Variants in HEATR5A observed in about 807,000 individuals in gnomAD.
The protein encoded by HEATR5A is HEAT repeat containing 5A, also known as HEAT repeat-containing protein 5A.
Under a neutral mutation model 218.8 loss-of-function variants are expected in HEATR5A, and 178 were observed. The observed-to-expected ratio is 0.81, with a 90% CI of 0.72 to 0.92. The LOEUF (loss-of-function observed/expected upper bound fraction) is 0.92. Ranked by LOEUF, HEATR5A falls within the 40% of genes least tolerant of loss-of-function variation. The pLI is 0.00. For synonymous variants in HEATR5A, 864 were observed against 871.6 expected (o/e 0.99, Z 0.15); for missense variants, 2,420 against 2,418.9 (o/e 1.00, Z -0.01).
chr14:31,345,096 CT>C lies in HEATR5A; in HGVS notation c.3048del (p.Glu1017SerfsTer12). ...CLNALITTLG[P>X]ELQGNSTSIS... ...AAGCAGCTATGCACACCTTGTAGCT[CT>C]GGACCTAACGTGGTAATAAGGGCAT... On this transcript the variant is annotated frameshift_variant, in exon 20 of 36. Transcript: ENST00000543095. LOFTEE classifies it high-confidence loss of function. 6.2e-7 allele frequency: 1 copy of C among 1,612,386 alleles called. No individual in the cohort carries two copies. The highest frequency in any genetic ancestry group is 2.2e-5 in the East Asian group (1 of 44,852).
intron 21 of HEATR5A, among the ~76,000 whole-genome samples, chr14:31,339,015 G>A (rs745393448): frequency 4.0e-5 from 6 of 151,862 alleles, no homozygotes; most frequent in Non-Finnish European, 5.9e-5. Context: ...TGCTACTCGG[G>A]AGGCTGAGGC....
Position 31,347,748 on chromosome 14 carries a change from C to G in HEATR5A, c.2868G>C (p.Gln956His), listed in dbSNP as rs550221102. 1.9e-6 allele frequency: 3 copies of G among 1,587,266 alleles called. No individual in the cohort carries two copies. Among genetic ancestry groups the G allele is most frequent in the Non-Finnish European group, 1.7e-6 (2 of 1,169,586 alleles). Residue 956 changes from glutamine (Q) to histidine (H), a missense_variant and splice_region_variant, in exon 19 of 36, where the codon CAG becomes CAC. Gln to His is a conservative substitution (Grantham distance 24). Transcript: ENST00000543095. ...LAQDSTSPDV[Q>H]TWALHSLSLI... ...GGGAAGTATCACATGAGGTACCCAC[C>G]TGCACATCAGGAGAAGTGCTGTCCT... is the stretch of plus-strand genomic sequence containing the variant.
intron 17 of HEATR5A, 138 bp from the exon 18 acceptor site, chr14:31,350,117 A>C: frequency 5.8e-6 from 3 of 514,678 alleles, no homozygotes; most frequent in Non-Finnish European, 3.3e-6. Context: ...GAACACAAAA[A>C]TCCACACTGA....
intron 19 of HEATR5A, among the ~76,000 whole-genome samples, chr14:31,346,833 C>CA: frequency 6.6e-6 from 1 of 152,062 alleles, no homozygotes; most frequent in Admixed American, 6.6e-5. Context: ...ATAAGGGAGA[C>CA]AGATAAGACG....
intron 14 of HEATR5A, among the ~76,000 whole-genome samples, chr14:31,363,501 C>T (rs1048557998): frequency 1.5e-4 from 23 of 152,080 alleles, no homozygotes; most frequent in Admixed American, 4.6e-4. Context: ...ATGAGGCAAA[C>T]TTATGTTTCA....
Position 31,350,016 on chromosome 14 carries a change from T to C in HEATR5A, c.2518-37A>G, listed in dbSNP as rs778424060. ...AAAGAACAACCCAAACTTACAATTG[T>C]AGTAAATTCTCATATCCAGTTAGGA... On this transcript the variant is annotated intron_variant, in intron 17 of 35. Coordinates refer to ENST00000543095, the MANE Select transcript of HEATR5A (RefSeq NM_015473.4). 4.4e-6 allele frequency: 6 copies of C among 1,369,366 alleles called. No homozygotes were observed. In the African/African-American group the frequency reaches 5.9e-5, roughly 13 times the overall value. 84.8% of individuals were successfully genotyped at this position (1,369,366 alleles called of 1,614,324 possible).
chr14:31,374,945 G>A lies in HEATR5A; in HGVS notation c.1732C>T (p.Leu578Phe). 3 of 1,610,390 alleles carry A rather than the reference G, an allele frequency of 1.9e-6. No homozygotes were observed. The highest frequency in any genetic ancestry group is 2.2e-5 in the South Asian group (2 of 90,262). ...TLGPAVVSHHLARVLLLWKCV... is the reference protein window; with the variant it reads ...TLGPAVVSHHFARVLLLWKCV... ...TTCCACAACAGCAGAACTCGAGCAA[G>A]GTGATGGCTAACAACTGCAGGACCT... is the stretch of plus-strand genomic sequence containing the variant. Residue 578 changes from leucine (L) to phenylalanine (F), a missense_variant, in exon 12 of 36, where the codon CTT (leucine) becomes TTT (phenylalanine). Coordinates refer to ENST00000543095, the MANE Select transcript of HEATR5A (RefSeq NM_015473.4).
chr14:31,375,251 T>C (rs1018321680), intron 11 of HEATR5A, among the ~76,000 whole-genome samples: 1 of 152,192 alleles, frequency 6.6e-6, no homozygotes, highest in Non-Finnish European at 1.5e-5. Flanking sequence ...CGTCTACATA[T>C]TAAATGAAGC....
In HEATR5A at chr14:31,294,137, TATAA is replaced by T. The variant is rs765669667; in HGVS notation, c.5620-37_5620-34del. ...GGTAAGAGAAAAGAATAGCAAATACTATAAATAAATTTTTAAAAAGTCCCTGAGG... is the reference window on the plus strand; with the variant it reads ...GGTAAGAGAAAAGAATAGCAAATACTATAAATTTTTAAAAAGTCCCTGAGG... On this transcript the variant is annotated intron_variant, in intron 34 of 35. Transcript: ENST00000543095. 3.1e-5 allele frequency: 43 copies of T among 1,367,748 alleles called. No homozygotes were observed. In the East Asian group the frequency reaches 8.8e-4, roughly 28 times the overall value. 84.7% of individuals were successfully genotyped at this position (1,367,748 alleles called of 1,614,324 possible). A position where few individuals can be genotyped will look rare whatever the true frequency, so the allele number is the denominator to read the frequency against.
chr14:31,420,225 C>T (rs1332932495), intron 1 of HEATR5A: 1 of 152,582 alleles, frequency 6.6e-6, no homozygotes, highest in Non-Finnish European at 1.5e-5. Flanking sequence ...TATCAGCCGA[C>T]CCTGTGCCCC....
At chr14:31,390,229 G>A (rs1288073978) in intron 6 of HEATR5A, among the ~76,000 whole-genome samples, 2 of 152,056 alleles carry the variant, frequency 1.3e-5, no homozygotes, top group South Asian at 4.2e-4. Flanking sequence ...ATGGTAAGAG[G>A]GCAGAAGATA....
chr14:31,338,255 A>T (rs1713798354), intron 21 of HEATR5A, among the ~76,000 whole-genome samples: 1 of 152,234 alleles, frequency 6.6e-6, no homozygotes, highest in African/African-American at 2.4e-5. Flanking sequence ...GTAAATGCTC[A>T]ATAAATGTTA....
At chr14:31,407,344 A>C (rs1397203387) in intron 1 of HEATR5A, among the ~76,000 whole-genome samples, 1 of 152,188 alleles carries the variant, frequency 6.6e-6, no homozygotes, top group Admixed American at 6.5e-5. Context: ...CCAAAGACAG[A>C]ACATCAGGTT....
At chr14:31,359,544 T>C (rs1901546509) in intron 14 of HEATR5A, among the ~76,000 whole-genome samples, 1 of 151,320 alleles carries the variant, frequency 6.6e-6, no homozygotes, top group Admixed American at 6.6e-5. Flanking sequence ...TTGGCCAACA[T>C]GGTGAAACCC....
intron 1 of HEATR5A, among the ~76,000 whole-genome samples, chr14:31,409,305 C>G (rs1486488229): frequency 6.6e-6 from 1 of 150,996 alleles, no homozygotes; most frequent in Non-Finnish European, 1.5e-5. Context: ...GCCTCGGCAT[C>G]CCAAAGTGCT....
chr14:31,340,488 C>T (rs1470453629), intron 21 of HEATR5A: 2 of 1,287,218 alleles, frequency 1.6e-6, no homozygotes, highest in South Asian at 2.5e-5. Context: ...TGCACAAAAA[C>T]AAATGACACA....
chr14:31,409,249 T>C (rs2031192043), intron 1 of HEATR5A, among the ~76,000 whole-genome samples: 1 of 149,706 alleles, frequency 6.7e-6, no homozygotes, highest in Admixed American at 6.6e-5. Flanking sequence ...GGTTTCACCA[T>C]ATTGGTCAGG....
intron 5 of HEATR5A, among the ~76,000 whole-genome samples, chr14:31,394,863 A>G (rs929173846): frequency 6.6e-6 from 1 of 152,168 alleles, no homozygotes; most frequent in African/African-American, 2.4e-5. Context: ...CTATGTTAAG[A>G]AGCTATAAAT....
At chr14:31,373,098 T>C (rs1207661866) in intron 12 of HEATR5A, among the ~76,000 whole-genome samples, 4 of 152,164 alleles carry the variant, frequency 2.6e-5, no homozygotes, top group African/African-American at 9.6e-5. Context: ...ATTTTTGTAT[T>C]TTTTGTAGAG....
Sources: gnomAD v4.1 joint callset for allele counts (sites outside exome capture counted in the v4.1 genomes callset) on GRCh38, gnomAD v4.1.1 for gene constraint, MANE v1.5 for transcripts, NCBI Gene and HGNC (gene_info 2026-07-23, HGNC 2026-07-21) for gene names.